PTPN3: variants seen among roughly 807,000 people sequenced by gnomAD.
PTPN3 encodes the protein tyrosine-protein phosphatase non-receptor type 3.
PTPN3 carries 96 observed loss-of-function variants against 132.7 expected under a neutral mutation model. That is an observed-to-expected ratio of 0.72 (90% CI 0.61 to 0.86). The LOEUF (loss-of-function observed/expected upper bound fraction) is 0.86. Among genes scored for constraint, PTPN3 ranks in the 40% least tolerant of loss-of-function variants. The pLI, the probability that PTPN3 is intolerant of heterozygous loss-of-function variation, is 0.00. For missense variants in PTPN3, 1,125 were observed against 1,159.6 expected (o/e 0.97, Z 0.43); for synonymous variants, 398 against 429.0 (o/e 0.93, Z 0.89).
At chr9:109,510,718 G>T in the PTPN3 span, among the ~76,000 whole-genome samples, 1 of 150,782 alleles carries the variant, frequency 6.6e-6, no homozygotes, top group African/African-American at 2.4e-5. Flanking sequence ...TAGCACTAGT[G>T]ATAATGCTAG....
At chr9:109,461,666 AG>A (rs1490940953) in intron 2 of PTPN3, among the ~76,000 whole-genome samples, 3 of 151,840 alleles carry the variant, frequency 2.0e-5, no homozygotes, top group Non-Finnish European at 1.5e-5. Flanking sequence ...CTGAAGTGGG[AG>A]GATTGCTTAA....
At chr9:109,415,031 T>TGTCCGTCC (rs963226577) in intron 14 of PTPN3, among the ~76,000 whole-genome samples, 2 of 62,324 alleles carry the variant, frequency 3.2e-5, no homozygotes, top group East Asian at 4.1e-4. Context: ...TTTGTCCGTC[T>TGTCCGTCC]GTCCGTCCGT....
At chr9:109,491,190 A>ACT (rs1221439075) in intron 1 of PTPN3, among the ~76,000 whole-genome samples, 1 of 140,386 alleles carries the variant, frequency 7.1e-6, no homozygotes, top group Non-Finnish European at 1.5e-5. Context: ...AGTGAGGGAC[A>ACT]CTCTCTCTCA....
In PTPN3 at chr9:109,427,248, C is replaced by T. The variant is rs111277654; in HGVS notation, c.829-126G>A. 1.9e-3 allele frequency: 1,967 copies of T among 1,013,888 alleles called. 24 individuals are homozygous for T. In the African/African-American group the frequency reaches 0.027, roughly 14 times the overall value. The allele number at this position is 1,013,888 out of a possible 1,614,324, so 62.8% of individuals were successfully genotyped here. A position where few individuals can be genotyped will look rare whatever the true frequency, so the allele number is the denominator to read the frequency against. On this transcript the variant is annotated intron_variant, in intron 11 of 25. Coordinates refer to ENST00000374541, the MANE Select transcript of PTPN3 (RefSeq NM_002829.4). ...CAGCAGAAAACTGGTTTCAAAATGC[C>T]GTGGCCACAAACCAGTGTACCGGAA...
At position 109,408,390 on chromosome 9, in the gene PTPN3, T is replaced by A; in HGVS notation, c.1579-13A>T. On this transcript the variant is annotated splice_polypyrimidine_tract_variant and intron_variant, in intron 16 of 25. Transcript: ENST00000374541. ...GATCCACTCCTCCCTGTAAACATTT[T>A]AAAATAAAAACAAAACAAAGTTTTT... 1 of 1,570,966 alleles carries A rather than the reference T, an allele frequency of 6.4e-7. No homozygotes were observed. Among genetic ancestry groups the A allele is most frequent in the Non-Finnish European group, 8.6e-7 (1 of 1,157,138 alleles).
chr9:109,538,218 G>A, the PTPN3 span, among the ~76,000 whole-genome samples: 1 of 152,198 alleles, frequency 6.6e-6, no homozygotes, highest in African/African-American at 2.4e-5. Flanking sequence ...TGCAGTTTTT[G>A]AAAGGAACTT....
rs1844776733 is a variant in PTPN3 at position 109,445,312 on chromosome 9, T to C, written c.414-20A>G. The C allele has an allele frequency of 1.2e-6, 2 of 1,606,214 alleles. No homozygotes were observed. The highest frequency in any genetic ancestry group is 1.7e-5 in the Admixed American group (1 of 59,980). On this transcript the variant is annotated intron_variant, in intron 6 of 25. Transcript: ENST00000374541. Reference sequence around the variant, plus strand: ...GTTAACCTGTCAGGAGAAAAACATATTAGCAAAGTCACAAGAACCAACAAC... The same window carrying C: ...GTTAACCTGTCAGGAGAAAAACATACTAGCAAAGTCACAAGAACCAACAAC...
At chr9:109,499,017 C>T (rs1292555387), upstream of PTPN3, among the ~76,000 whole-genome samples, 2 of 152,030 alleles carry the variant, frequency 1.3e-5, no homozygotes, top group Admixed American at 6.6e-5. Context: ...CTGTTTTCTT[C>T]ATAGCATTTA....
At chr9:109,497,250 C>G (rs138332847) in intron 1 of PTPN3, among the ~76,000 whole-genome samples, 26 of 152,288 alleles carry the variant, frequency 1.7e-4, no homozygotes, top group Non-Finnish European at 3.5e-4. Context: ...ACGAGGGTCT[C>G]TAAACGAATT....
chr9:109,492,736 C>T (rs1847518122), intron 1 of PTPN3, among the ~76,000 whole-genome samples: 1 of 152,200 alleles, frequency 6.6e-6, no homozygotes, highest in Non-Finnish European at 1.5e-5. Context: ...TAATTCTCTG[C>T]AAGCGTGGCT....
the PTPN3 span, among the ~76,000 whole-genome samples, chr9:109,524,038 G>C: frequency 6.6e-6 from 1 of 152,086 alleles, no homozygotes; most frequent in South Asian, 2.1e-4. Context: ...TAGAGCCCAG[G>C]AGTTCAAGAC....
intron 25 of PTPN3, among the ~76,000 whole-genome samples, chr9:109,379,948 C>T (rs947753187): frequency 6.6e-6 from 1 of 152,168 alleles, no homozygotes; most frequent in Non-Finnish European, 1.5e-5. Flanking sequence ...AGTAAGAGCC[C>T]ATTTTGAGAA....
At chr9:109,422,937 C>T in intron 12 of PTPN3, 85 bp from the exon 13 acceptor site, 1 of 1,496,536 alleles carries the variant, frequency 6.7e-7, no homozygotes, top group Non-Finnish European at 9.2e-7. Flanking sequence ...TCTACACATG[C>T]TTCTTGTCTG....
intron 9 of PTPN3, among the ~76,000 whole-genome samples, chr9:109,435,500 C>T (rs1285506880): frequency 6.6e-6 from 1 of 152,196 alleles, no homozygotes; most frequent in African/African-American, 2.4e-5. Context: ...GAGGGCTGCC[C>T]TGGAAGACTC....
chr9:109,408,360 CT>C lies in PTPN3; in HGVS notation c.1595del (p.Lys532ArgfsTer9). ...GFNLKGGVDQ[K>X]MPLVVSRINP... ...TTATCCTTGATACCACAAGAGGCAT[CT>C]TTTGATCCACTCCTCCCTGTAAACA... On this transcript the variant is annotated frameshift_variant, in exon 17 of 26. Transcript: ENST00000374541. LOFTEE classifies it high-confidence loss of function. The C allele has an allele frequency of 6.3e-7, 1 of 1,586,232 alleles. No homozygotes were observed. Among genetic ancestry groups the C allele is most frequent in the Non-Finnish European group, 8.6e-7 (1 of 1,162,644 alleles).
intron 19 of PTPN3, 49 bp from the exon 20 acceptor site, chr9:109,391,610 G>A (rs1392130183): frequency 2.7e-6 from 4 of 1,458,488 alleles, no homozygotes; most frequent in Middle Eastern, 1.8e-4. Context: ...ATCAGATGAA[G>A]AAAGTGTGAA....
intron 14 of PTPN3, among the ~76,000 whole-genome samples, chr9:109,419,326 G>A (rs1842736990): frequency 6.6e-6 from 1 of 152,142 alleles, no homozygotes; most frequent in Admixed American, 6.5e-5. Context: ...GTCCAATCAG[G>A]GTGCATTTGA....
intron 1 of PTPN3, among the ~76,000 whole-genome samples, chr9:109,494,451 A>G (rs994088866): frequency 1.3e-5 from 2 of 152,152 alleles, no homozygotes; most frequent in African/African-American, 4.8e-5. Context: ...AACAAAAAAG[A>G]CCAGGTTGGA....
chr9:109,384,045 A>G (rs888110297), intron 22 of PTPN3, among the ~76,000 whole-genome samples: 5 of 151,988 alleles, frequency 3.3e-5, no homozygotes, highest in Non-Finnish European at 7.4e-5. Context: ...TTCCTCCTCC[A>G]TTTGTCAGCC....
Sources: allele counts gnomAD v4.1 joint callset (sites outside exome capture counted in the v4.1 genomes callset), GRCh38; gene constraint gnomAD v4.1.1; transcripts MANE v1.5; gene names NCBI Gene and HGNC (gene_info 2026-07-23, HGNC 2026-07-21).